KLC3: variants seen among roughly 807,000 people sequenced by gnomAD.
The protein encoded by KLC3 is kinesin light chain 3, also known as kinesin light chain 2.
Under a neutral mutation model 62.9 loss-of-function variants are expected in KLC3, and 72 were observed. That is an observed-to-expected ratio of 1.15 (90% CI 0.95 to 1.39). The LOEUF is 1.39. Ranked by LOEUF, KLC3 falls within the 40% of genes most tolerant of loss-of-function variation. KLC3 has a pLI of 0.00. For missense variants in KLC3, 848 were observed against 691.6 expected, an observed-to-expected ratio of 1.23 and a Z score of -2.54; for synonymous variants, 377 against 300.5, an observed-to-expected ratio of 1.25 and a Z score of -2.63.
In KLC3 at chr19:45,347,923, C is replaced by T. The variant is rs1342029440; in HGVS notation, c.560-18C>T. 2 of 1,578,910 alleles carry T rather than the reference C, an allele frequency of 1.3e-6. No homozygotes were observed. The highest frequency in any genetic ancestry group is 2.7e-5 in the African/African-American group (2 of 74,294). On this transcript the variant is annotated intron_variant, in intron 4 of 12. Transcript: ENST00000391946. ...CAGGAGGCTTGCAGTGACCCAGAGC[C>T]CACCCCACCCCACCTAGGTCCTGAG...
rs146453236 is a variant in KLC3, at chr19:45,348,999, G to A, written c.969+78G>A. ...CCCAGGGATGCTGAGCACGTACATC[G>A]TGACCCTGACCCTCGGGCCCCTTGC... On this transcript the variant is annotated intron_variant, in intron 7 of 12. Transcript: ENST00000391946. The A allele has an allele frequency of 8.7e-4, 1,119 of 1,293,440 alleles. 10 individuals carry two copies. In the African/African-American group the frequency reaches 0.013, roughly 16 times the overall value. The allele number at this position is 1,293,440 out of a possible 1,614,324, so 80.1% of individuals were successfully genotyped here.
intron 1 of KLC3, chr19:45,345,161 G>A: frequency 2.4e-6 from 1 of 414,928 alleles, no homozygotes; most frequent in Non-Finnish European, 4.3e-6. Context: ...TCTGGGCCAG[G>A]GGATCCAAGG....
Position 45,346,768 on chromosome 19 carries a change from G to A in KLC3, c.483G>A (p.Glu161=). 1.3e-6 allele frequency: 2 copies of A among 1,577,400 alleles called. No individual in the cohort carries two copies. Among genetic ancestry groups the A allele is most frequent in the East Asian group, 2.3e-5 (1 of 42,712 alleles). Residue 161 remains glutamate (E), a synonymous_variant, in exon 3 of 13, where the codon GAG becomes GAA. Coordinates refer to ENST00000391946, the MANE Select transcript of KLC3 (RefSeq NM_177417.3). The part of the protein sequence containing the change: ...GQLRQYDPPA[E]SQQSESPPRR... ...TGCGACAGTACGACCCACCGGCGGA[G>A]AGCCAGGTGCCACGGGCAGGGCGAG...
At chr19:45,344,099 T>C (rs1020538047) in intron 1 of KLC3, among the ~76,000 whole-genome samples, 1 of 151,330 alleles carries the variant, frequency 6.6e-6, no homozygotes, top group African/African-American at 2.4e-5. Flanking sequence ...CCCAAAGTGC[T>C]CGGAGTACAG....
At chr19:45,344,760 G>A (rs896643496) in intron 1 of KLC3, 6 of 152,414 alleles carry the variant, frequency 3.9e-5, no homozygotes, top group African/African-American at 1.2e-4. Context: ...CCCACTATGA[G>A]CTGGGCTTCA....
rs115408076 is a variant in KLC3 at position 45,347,909 on chromosome 19, C to T, written c.560-32C>T. On this transcript the variant is annotated intron_variant, in intron 4 of 12. Coordinates refer to ENST00000391946, the MANE Select transcript of KLC3 (RefSeq NM_177417.3). ...CGAGGCTGGAGGGGCAGGAGGCTTG[C>T]AGTGACCCAGAGCCCACCCCACCCC... 300 of 1,536,006 alleles carry T rather than the reference C, an allele frequency of 2.0e-4. 1 individual carries two copies. In the African/African-American group the frequency reaches 3.3e-3, roughly 17 times the overall value.
intron 12 of KLC3, 104 bp downstream of exon 12, chr19:45,351,121 G>A (rs1217639071): frequency 6.2e-7 from 1 of 1,606,042 alleles, no homozygotes; most frequent in Non-Finnish European, 8.5e-7. Flanking sequence ...AGCAGGTGGT[G>A]GGTTGGTGTC....
chr19:45,342,259 A>T (rs1971410916), intron 1 of KLC3, among the ~76,000 whole-genome samples: 3 of 152,118 alleles, frequency 2.0e-5, no homozygotes, highest in South Asian at 4.2e-4. Flanking sequence ...TTTGTGTGTG[A>T]GGTGTGAGAA....
Position 45,349,548 on chromosome 19 carries a change from T to C in KLC3, c.1089T>C (p.Tyr363=). Residue 363 remains tyrosine, a synonymous_variant, in exon 8 of 13, where the codon TAT becomes TAC. Coordinates refer to ENST00000391946, the MANE Select transcript of KLC3 (RefSeq NM_177417.3). The stretch of plus-strand genomic sequence containing the variant: ...ACTATGCCCGGGCCCTGAGCATCTA[T>C]GAGGCACTGGGCGGGCCCCATGACC... ...ERHYARALSI[Y]EALGGPHDPN... 1 of 1,613,960 alleles carries C rather than the reference T, an allele frequency of 6.2e-7. No homozygotes were observed. The highest frequency in any genetic ancestry group is 8.5e-7 in the Non-Finnish European group (1 of 1,179,944).
intron 1 of KLC3, among the ~76,000 whole-genome samples, chr19:45,341,585 G>T (rs1481490467): frequency 6.7e-6 from 1 of 150,230 alleles, no homozygotes; most frequent in African/African-American, 2.4e-5. Context: ...GTGTGCGCGC[G>T]CGCGTGTGGT....
chr19:45,341,119 C>A (rs1971384086), intron 1 of KLC3, among the ~76,000 whole-genome samples: 1 of 151,740 alleles, frequency 6.6e-6, no homozygotes, highest in African/African-American at 2.4e-5. Flanking sequence ...CGGGGCTGGG[C>A]AGGCCAGGGT....
In KLC3 at chr19:45,348,077, G is replaced by T. The variant is rs1331834939; in HGVS notation, c.696G>T (p.Gln232His). 2.5e-6 allele frequency: 4 copies of T among 1,602,898 alleles called. No individual in the cohort carries two copies. Among genetic ancestry groups the T allele is most frequent in the Non-Finnish European group, 3.4e-6 (4 of 1,175,062 alleles). ...RYEVAVPLCR[Q>H]ALEDLERSSG... Reference sequence around the variant, plus strand: ...AGGTGGCGGTGCCTCTGTGCCGCCAGGCCTTGGAGGACCTGGAGCGCAGCT... The same window carrying T: ...AGGTGGCGGTGCCTCTGTGCCGCCATGCCTTGGAGGACCTGGAGCGCAGCT... The change falls in exon 5 of 13, where the codon CAG (glutamine) becomes CAT (histidine). Residue 232 changes from glutamine to histidine, a missense_variant. Gln to His is a conservative substitution (Grantham distance 24). Coordinates refer to ENST00000391946, the MANE Select transcript of KLC3 (RefSeq NM_177417.3).
Position 45,348,887 on chromosome 19 carries a change from C to T in KLC3, c.935C>T (p.Pro312Leu). ...CGTGGGCGTTACCGGGAGGCAGAGC[C>T]CCTGTGCCAGCGCGCTTTGGAGATC... ...GKRGRYREAE[P>L]LCQRALEIRE... Residue 312 changes from proline to leucine, a missense_variant, in exon 7 of 13, where the codon CCC (proline) becomes CTC (leucine). Transcript: ENST00000391946. 1 of 1,588,238 alleles carries T rather than the reference C, an allele frequency of 6.3e-7. No homozygotes were observed. The highest frequency in any genetic ancestry group is 2.3e-5 in the East Asian group (1 of 43,916).
intron 4 of KLC3, 42 bp from the exon 5 acceptor site, chr19:45,347,899 A>C (rs1222750292): frequency 4.7e-6 from 7 of 1,494,740 alleles, no homozygotes; most frequent in Non-Finnish European, 6.4e-6. Flanking sequence ...CTGGAGGGGC[A>C]GGAGGCTTGC....
In KLC3 at chr19:45,350,516, GC is replaced by G. The variant is rs767548719; in HGVS notation, c.1242del (p.Asn415ThrfsTer47). 1 of 1,613,356 alleles carries G rather than the reference GC, an allele frequency of 6.2e-7. No individual in the cohort carries two copies. The highest frequency in any genetic ancestry group is 1.1e-5 in the South Asian group (1 of 91,030). On this transcript the variant is annotated frameshift_variant, in exon 10 of 13. Coordinates refer to ENST00000391946, the MANE Select transcript of KLC3 (RefSeq NM_177417.3). LOFTEE classifies it high-confidence loss of function. ...HKEDLPAPLG[A>X]PNTGTAGDAE... ...GTGTCCCCCATCTTTCCCCCTAGGT[GC>G]CCCCAACACAGGCACAGCTGGTGAC... is the stretch of plus-strand genomic sequence containing the variant.
In KLC3 at chr19:45,351,436, T is replaced by C; in HGVS notation, c.*79T>C. The C allele has an allele frequency of 6.3e-7, 1 of 1,588,042 alleles. No homozygotes were observed. The highest frequency in any genetic ancestry group is 8.5e-7 in the Non-Finnish European group (1 of 1,170,308). ...GGCTGGTGGGGTGAGAGGGGGTCTA[T>C]CATCTCCTGGCCCCCCCTTGCCTCT... On this transcript the variant is annotated 3_prime_UTR_variant, in exon 13 of 13. Coordinates refer to ENST00000391946, the MANE Select transcript of KLC3 (RefSeq NM_177417.3).
In KLC3 at chr19:45,346,544, G is replaced by A. The variant is rs370852508; in HGVS notation, c.259G>A (p.Val87Met). ...AIELGLGEAQVLLALSAHVGA... is the reference protein window; with the variant it reads ...AIELGLGEAQMLLALSAHVGA... ...GACTTGGGACCCCCACCCCGGGCAG[G>A]TGCTGCTGGCCCTGTCGGCACATGT... The change falls in exon 3 of 13, where the codon GTG becomes ATG. Residue 87 changes from valine (V) to methionine (M), a missense_variant and splice_region_variant. Val to Met is a conservative substitution (Grantham distance 21). Transcript: ENST00000391946. The A allele has an allele frequency of 1.7e-5, 26 of 1,527,818 alleles. No homozygotes were observed. The highest frequency in any genetic ancestry group is 4.1e-5 in the African/African-American group (3 of 72,690). 94.6% of individuals were successfully genotyped at this position (1,527,818 alleles called of 1,614,324 possible).
At chr19:45,341,581 G>GCGCGCGCGCA (rs1568519354) in intron 1 of KLC3, among the ~76,000 whole-genome samples, 5 of 150,036 alleles carry the variant, frequency 3.3e-5, no homozygotes, top group Non-Finnish European at 7.4e-5. Context: ...GTGTGTGTGC[G>GCGCGCGCGCA]CGCGCGCGTG....
At chr19:45,348,560 G>A (rs1971568459) in intron 5 of KLC3, 86 bp from the exon 6 acceptor site, 15 of 1,324,146 alleles carry the variant, frequency 1.1e-5, no homozygotes, top group Non-Finnish European at 1.6e-5. Context: ...AGGTTCCCTG[G>A]GCCTGTCAGG....
Sources: gnomAD v4.1 joint callset for allele counts (sites outside exome capture counted in the v4.1 genomes callset) on GRCh38, gnomAD v4.1.1 for gene constraint, MANE v1.5 for transcripts, NCBI Gene and HGNC (gene_info 2026-07-23, HGNC 2026-07-21) for gene names.